MED4: variants seen among roughly 807,000 people sequenced by gnomAD.
The protein encoded by MED4 is mediator complex subunit 4, also known as mediator of RNA polymerase II transcription subunit 4.
In MED4, 21 loss-of-function variants were observed where a neutral mutation model predicts 35.0. That is an observed-to-expected ratio of 0.60 (90% confidence interval 0.43 to 0.86). The LOEUF is 0.86. Among genes scored for constraint, MED4 ranks in the 40% least tolerant of loss-of-function variants. MED4 has a pLI of 0.00. For synonymous variants in MED4, 138 were observed against 114.0 expected (o/e 1.21, Z -1.34); for missense variants, 300 against 319.4 (o/e 0.94, Z 0.46).
intron 6 of MED4, among the ~76,000 whole-genome samples, chr13:48,077,876 T>TA (rs1178451459): frequency 2.0e-5 from 3 of 152,232 alleles, no homozygotes; most frequent in Non-Finnish European, 2.9e-5. Flanking sequence ...AAGACATTTG[T>TA]AATTACAAAT....
chr13:48,083,286 G>GATT, intron 4 of MED4, 85 bp downstream of exon 4: 1 of 1,026,950 alleles, frequency 9.7e-7, no homozygotes, highest in South Asian at 1.5e-5. Context: ...AGCAGCAAAT[G>GATT]ATTATCAGTA....
In MED4 at chr13:48,095,024, C is replaced by T; in HGVS notation, c.55G>A (p.Gly19Arg). The T allele has an allele frequency of 6.2e-7, 1 of 1,606,466 alleles. No individual in the cohort carries two copies. The highest frequency in any genetic ancestry group is 8.5e-7 in the Non-Finnish European group (1 of 1,179,908). ...KEKERLGGGL[G>R]VAGGNSTRER... ...CGTGTGCTGTTACCACCCGCCACTCCCAAACCGCCTCCCAGCCGCTCCTTC... is the reference window on the plus strand; with the variant it reads ...CGTGTGCTGTTACCACCCGCCACTCTCAAACCGCCTCCCAGCCGCTCCTTC... The change falls in exon 1 of 7, where the codon GGA becomes AGA. Residue 19 changes from glycine to arginine, a missense_variant. Transcript: ENST00000258648.
At chr13:48,081,835 A>C (rs1950810640) in intron 4 of MED4, 104 bp from the exon 5 acceptor site, 1 of 591,410 alleles carries the variant, frequency 1.7e-6, no homozygotes, top group East Asian at 3.4e-5. Context: ...AAATTATCTG[A>C]AAATAAAATA....
intron 4 of MED4, among the ~76,000 whole-genome samples, chr13:48,082,773 G>A (rs545297076): frequency 2.8e-4 from 42 of 151,902 alleles, no homozygotes; most frequent in Admixed American, 1.0e-3. Flanking sequence ...CTTGCAGTGC[G>A]CCGAGATCGC....
chr13:48,079,685 C>G, intron 6 of MED4, 159 bp downstream of exon 6: 1 of 760,542 alleles, frequency 1.3e-6, no homozygotes, highest in Non-Finnish European at 2.0e-6. Context: ...ATTTCGCCAA[C>G]ACGCTCCAGC....
At chr13:48,092,587 T>C (rs1463215407) in intron 1 of MED4, among the ~76,000 whole-genome samples, 1 of 152,216 alleles carries the variant, frequency 6.6e-6, no homozygotes, top group African/African-American at 2.4e-5. Flanking sequence ...AAAATGACAC[T>C]GGTTTTGACG....
At chr13:48,077,384 G>A (rs1045580186) in intron 6 of MED4, 73 bp from the exon 7 acceptor site, 31 of 1,203,630 alleles carry the variant, frequency 2.6e-5, no homozygotes, top group South Asian at 2.2e-5. Flanking sequence ...TTCCCTTTAT[G>A]CAACAATTTG....
intron 2 of MED4, among the ~76,000 whole-genome samples, chr13:48,088,958 G>A (rs4942746): frequency 0.93 from 141,430 of 152,312 alleles, 65,687 homozygotes; most frequent in East Asian, 1. Flanking sequence ...TTTAAAAAGT[G>A]CAAGAAAGAT....
At chr13:48,094,491 G>A (rs75600734) in intron 1 of MED4, among the ~76,000 whole-genome samples, 3,478 of 152,224 alleles carry the variant, frequency 0.023, 141 homozygotes, top group Admixed American at 0.1. Context: ...TGCTTCCCAA[G>A]CAGCACTTTC....
chr13:48,084,061 G>C (rs1228051394), intron 3 of MED4, among the ~76,000 whole-genome samples: 1 of 152,062 alleles, frequency 6.6e-6, no homozygotes, highest in Non-Finnish European at 1.5e-5. Context: ...AGGAGTCTGA[G>C]ACCAGCCTGA....
chr13:48,089,865 G>T (rs1397578995), intron 2 of MED4, among the ~76,000 whole-genome samples: 1 of 152,150 alleles, frequency 6.6e-6, no homozygotes, highest in Non-Finnish European at 1.5e-5. Flanking sequence ...AGAAAGCACC[G>T]AAAAGTGAGC....
Position 48,091,076 on chromosome 13 carries a change from T to C in MED4, c.126-658A>G, listed in dbSNP as rs146570981. 5.7e-4 allele frequency among the ~76,000 whole-genome samples: 87 copies of C among 152,326 alleles called. 1 individual carries two copies. Among genetic ancestry groups the C allele is most frequent in the African/African-American group, 1.8e-3 (75 of 41,578 alleles). ...TTTCTGACTCCTGTCTTACATAACATGATTAGTGAATGAACATATGTTTAT... is the reference window on the plus strand; with the variant it reads ...TTTCTGACTCCTGTCTTACATAACACGATTAGTGAATGAACATATGTTTAT... On this transcript the variant is annotated intron_variant, in intron 1 of 6. Transcript: ENST00000258648.
In MED4 at chr13:48,090,405, T is replaced by C. The variant is rs763126584; in HGVS notation, c.139A>G (p.Met47Val). Residue 47 changes from methionine to valine, a missense_variant, in exon 2 of 7, where the codon ATG becomes GTG. Transcript: ENST00000258648. The part of the protein sequence containing the change: ...LEVLSRELIE[M>V]LAISRNQKLL... ...TTTTGGTTTCTTGAAATTGCCAGCATTTCTATAAGTTCCCTAAAAAAAAAA... is the reference window on the plus strand; with the variant it reads ...TTTTGGTTTCTTGAAATTGCCAGCACTTCTATAAGTTCCCTAAAAAAAAAA... 1.9e-6 allele frequency: 3 copies of C among 1,597,312 alleles called. No homozygotes were observed. The South Asian group carries it at 3.4e-5, about 18-fold the overall frequency.
intron 2 of MED4, among the ~76,000 whole-genome samples, chr13:48,088,429 C>T (rs776414245): frequency 5.9e-5 from 9 of 152,108 alleles, no homozygotes; most frequent in Non-Finnish European, 1.0e-4. Flanking sequence ...TAAATAACAA[C>T]AGAAAGCTTT....
intron 2 of MED4, among the ~76,000 whole-genome samples, chr13:48,087,279 C>G (rs1242076893): frequency 6.6e-6 from 1 of 151,702 alleles, no homozygotes; most frequent in African/African-American, 2.4e-5. Flanking sequence ...GAAGGAGAAT[C>G]GCTTGAACCC....
intron 5 of MED4, among the ~76,000 whole-genome samples, chr13:48,080,431 T>C (rs943779720): frequency 1.5e-5 from 2 of 135,810 alleles, no homozygotes; most frequent in African/African-American, 2.7e-5. Context: ...AAGAAAGAAA[T>C]ATAAAAGTCA....
At chr13:48,090,138 C>T (rs1950880529) in intron 2 of MED4, among the ~76,000 whole-genome samples, 1 of 151,978 alleles carries the variant, frequency 6.6e-6, no homozygotes, top group Non-Finnish European at 1.5e-5. Context: ...ACTGCTAAAC[C>T]CTCAGGCAAC....
At position 48,076,997 on chromosome 13, in the gene MED4, T is replaced by C; in HGVS notation, c.*142A>G. 1 of 658,018 alleles carries C rather than the reference T, an allele frequency of 1.5e-6. No individual in the cohort carries two copies. The highest frequency in any genetic ancestry group is 2.3e-6 in the Non-Finnish European group (1 of 432,956). The allele number at this position is 658,018 out of a possible 1,614,324, so 40.8% of individuals were successfully genotyped here. A position where few individuals can be genotyped will look rare whatever the true frequency, so the allele number is the denominator to read the frequency against. On this transcript the variant is annotated 3_prime_UTR_variant, in exon 7 of 7. Coordinates refer to ENST00000258648, the MANE Select transcript of MED4 (RefSeq NM_014166.4). ...CTTTAAAAAGAAAGTCAAAAAATTT[T>C]GACTTTTAATGACTGCACAATTCTA...
intron 2 of MED4, among the ~76,000 whole-genome samples, chr13:48,089,440 C>A (rs540746558): frequency 8.6e-4 from 131 of 152,270 alleles, no homozygotes; most frequent in African/African-American, 3.2e-3. Flanking sequence ...TTCTCTTAAA[C>A]ATTTTTTTTG....
Sources: allele counts gnomAD v4.1 joint callset (sites outside exome capture counted in the v4.1 genomes callset), GRCh38; gene constraint gnomAD v4.1.1; transcripts MANE v1.5; gene names NCBI Gene and HGNC (gene_info 2026-07-23, HGNC 2026-07-21).